LINGO2: variants seen among roughly 807,000 people sequenced by gnomAD.
LINGO2 encodes leucine rich repeat and Ig domain containing 2.
In LINGO2, 14 loss-of-function variants were observed where a neutral mutation model predicts 30.6. That is an observed-to-expected ratio of 0.46 (90% CI 0.30 to 0.72). The LOEUF (loss-of-function observed/expected upper bound fraction) is 0.72. Ranked by LOEUF, LINGO2 falls within the 30% of genes least tolerant of loss-of-function variation. LINGO2 has a pLI of 0.07. For synonymous variants in LINGO2, 317 were observed against 288.5 expected (o/e 1.10, Z -1.00); for missense variants, 729 against 751.7 (o/e 0.97, Z 0.35).
the LINGO2 span, among the ~76,000 whole-genome samples, chr9:28,855,736 T>C: frequency 6.6e-6 from 1 of 152,000 alleles, no homozygotes; most frequent in Non-Finnish European, 1.5e-5. Flanking sequence ...TGGGTTATTT[T>C]ACCCTAGATG....
chr9:28,766,600 G>A, the LINGO2 span, among the ~76,000 whole-genome samples: 1 of 151,936 alleles, frequency 6.6e-6, no homozygotes, highest in Non-Finnish European at 1.5e-5. Context: ...AGTGAAATCA[G>A]CATCTCATAG....
chr9:28,023,642 AT>A (rs1823241686), intron 4 of LINGO2, among the ~76,000 whole-genome samples: 1 of 152,186 alleles, frequency 6.6e-6, no homozygotes, highest in South Asian at 2.1e-4. Flanking sequence ...TCAGAGAAAT[AT>A]ATCTTTCTCC....
the LINGO2 span, among the ~76,000 whole-genome samples, chr9:28,847,246 T>A: frequency 4.7e-5 from 7 of 148,284 alleles, 1 homozygote; most frequent in African/African-American, 1.5e-4. Context: ...GGTAGGCTAA[T>A]AAGGAAACAG....
chr9:28,287,090 C>T (rs1001020353), intron 4 of LINGO2, among the ~76,000 whole-genome samples: 1 of 152,154 alleles, frequency 6.6e-6, no homozygotes. Context: ...AGGCCCTGAC[C>T]TCAAGCACAT....
the LINGO2 span, among the ~76,000 whole-genome samples, chr9:29,190,242 TCAGA>T: frequency 9.9e-5 from 15 of 152,268 alleles, no homozygotes; most frequent in South Asian, 8.3e-4. Context: ...TAAAAAGTCA[TCAGA>T]CAGATGGCCA....
chr9:28,822,280 G>A, the LINGO2 span, among the ~76,000 whole-genome samples: 1 of 152,160 alleles, frequency 6.6e-6, no homozygotes, highest in Non-Finnish European at 1.5e-5. Context: ...CATACTTCAA[G>A]TTTCTCAAGA....
chr9:28,314,440 C>T (rs1014316418), intron 3 of LINGO2, among the ~76,000 whole-genome samples: 1 of 152,122 alleles, frequency 6.6e-6, no homozygotes, highest in Non-Finnish European at 1.5e-5. Flanking sequence ...TGTACTCTAA[C>T]ACCTTCCTTC....
the LINGO2 span, among the ~76,000 whole-genome samples, chr9:28,807,181 C>T: frequency 5.3e-5 from 8 of 151,866 alleles, no homozygotes; most frequent in African/African-American, 1.7e-4. Flanking sequence ...CCTGTCACCA[C>T]GCCCGGCTAA....
intron 1 of LINGO2, among the ~76,000 whole-genome samples, chr9:28,509,048 T>G (rs1266659662): frequency 6.6e-6 from 1 of 152,168 alleles, no homozygotes; most frequent in Non-Finnish European, 1.5e-5. Context: ...TCTATGGTAT[T>G]GTACTTATAC....
the LINGO2 span, among the ~76,000 whole-genome samples, chr9:29,184,065 CAT>C: frequency 1.3e-5 from 2 of 152,250 alleles, no homozygotes; most frequent in East Asian, 1.9e-4. Context: ...AAGCACCACA[CAT>C]GAGTAACAAG....
chr9:28,919,840 T>C, the LINGO2 span, among the ~76,000 whole-genome samples: 1 of 152,174 alleles, frequency 6.6e-6, no homozygotes, highest in Admixed American at 6.6e-5. Context: ...ACTTTAAACA[T>C]TATATCCTTT....
chr9:27,942,859 T>C, the LINGO2 span: 1 of 150,720 alleles, frequency 6.6e-6, no homozygotes, highest in Non-Finnish European at 1.5e-5. Context: ...GGGTATTCTA[T>C]ACCACATGGA....
At chr9:28,447,076 T>A (rs1245226657) in intron 2 of LINGO2, among the ~76,000 whole-genome samples, 1 of 152,194 alleles carries the variant, frequency 6.6e-6, no homozygotes, top group Non-Finnish European at 1.5e-5. Context: ...GGATTTAGAT[T>A]AACTGTCACT....
intron 1 of LINGO2, among the ~76,000 whole-genome samples, chr9:28,484,204 G>A (rs531877994): frequency 1.1e-4 from 16 of 151,974 alleles, no homozygotes; most frequent in Non-Finnish European, 2.2e-4. Flanking sequence ...AGTAATAAGC[G>A]ACTCAGTTTG....
intron 5 of LINGO2, among the ~76,000 whole-genome samples, chr9:27,960,537 T>C (rs1587543655): frequency 3.9e-5 from 6 of 152,132 alleles, no homozygotes. Flanking sequence ...CAGCCATCTG[T>C]AACACACAAA....
the LINGO2 span, among the ~76,000 whole-genome samples, chr9:29,068,142 T>C: frequency 6.6e-6 from 1 of 151,680 alleles, no homozygotes; most frequent in South Asian, 2.1e-4. Context: ...CCTCTAACCA[T>C]TGCAAATGAA....
the LINGO2 span, among the ~76,000 whole-genome samples, chr9:29,188,047 T>C: frequency 2.1e-5 from 3 of 145,916 alleles, no homozygotes; most frequent in Admixed American, 1.4e-4. Flanking sequence ...TATTGATCAT[T>C]CTTGGGTGTT....
At chr9:28,323,335 C>G (rs1441395242) in intron 3 of LINGO2, among the ~76,000 whole-genome samples, 1 of 152,156 alleles carries the variant, frequency 6.6e-6, no homozygotes, top group Non-Finnish European at 1.5e-5. Context: ...TGCGGTGGCT[C>G]ACGCCTGTAA....
chr9:28,022,067 G>A (rs1823153682), intron 4 of LINGO2, among the ~76,000 whole-genome samples: 1 of 151,780 alleles, frequency 6.6e-6, no homozygotes, highest in Non-Finnish European at 1.5e-5. Flanking sequence ...TCTAGATTTA[G>A]TTGAATATTT....
Sources: gnomAD v4.1 joint callset for allele counts (sites outside exome capture counted in the v4.1 genomes callset) on GRCh38, gnomAD v4.1.1 for gene constraint, MANE v1.5 for transcripts, NCBI Gene and HGNC (gene_info 2026-07-23, HGNC 2026-07-21) for gene names.